ATG10: variants seen among roughly 807,000 people sequenced by gnomAD.
ATG10 encodes the protein ubiquitin-like-conjugating enzyme ATG10.
In ATG10, 30 loss-of-function variants were observed where a neutral mutation model predicts 32.1. That is an observed-to-expected ratio of 0.94 (90% CI 0.70 to 1.27). The LOEUF (loss-of-function observed/expected upper bound fraction) is 1.27, where lower values mean the gene tolerates loss of function less well. Ranked by LOEUF, ATG10 falls within the 50% of genes most tolerant of loss-of-function variation. The pLI is 0.00. For missense variants in ATG10, 233 were observed against 262.3 expected, an observed-to-expected ratio of 0.89 and a Z score of 0.77; for synonymous variants, 87 against 91.5, an observed-to-expected ratio of 0.95 and a Z score of 0.28.
chr5:82,045,895 T>G (rs1238367664), intron 2 of ATG10, among the ~76,000 whole-genome samples: 7 of 152,068 alleles, frequency 4.6e-5, no homozygotes, highest in African/African-American at 1.4e-4. Flanking sequence ...CAGAATGACC[T>G]CAGTAAAGTT....
intron 5 of ATG10, among the ~76,000 whole-genome samples, chr5:82,245,824 A>G (rs1747006220): frequency 6.6e-6 from 1 of 152,206 alleles, no homozygotes; most frequent in Admixed American, 6.5e-5. Context: ...GTAATTAATG[A>G]TTTGGCTAAT....
At chr5:82,175,906 C>T (rs2149918986) in intron 4 of ATG10, among the ~76,000 whole-genome samples, 1 of 152,162 alleles carries the variant, frequency 6.6e-6, no homozygotes, top group Admixed American at 6.5e-5. Context: ...CACACACACA[C>T]ACCCCAAGGC....
chr5:82,093,045 C>G (rs1360076056), intron 3 of ATG10, among the ~76,000 whole-genome samples: 1 of 152,176 alleles, frequency 6.6e-6, no homozygotes, highest in East Asian at 1.9e-4. Context: ...AATTTGGTGA[C>G]TATACTTGCA....
At chr5:82,059,749 G>T (rs545557965) in intron 3 of ATG10, among the ~76,000 whole-genome samples, 26 of 152,174 alleles carry the variant, frequency 1.7e-4, no homozygotes, top group Admixed American at 4.6e-4. Flanking sequence ...GCCTGTATAT[G>T]ATGCTGGCCT....
chr5:82,192,977 G>T (rs1003343324), intron 5 of ATG10, among the ~76,000 whole-genome samples: 9 of 152,128 alleles, frequency 5.9e-5, no homozygotes, highest in African/African-American at 2.2e-4. Context: ...TCTTTCTCAG[G>T]AGAGACCTTC....
chr5:82,061,022 C>T (rs994874102), intron 3 of ATG10, among the ~76,000 whole-genome samples: 6 of 152,190 alleles, frequency 3.9e-5, no homozygotes, highest in African/African-American at 1.4e-4. Context: ...ACTCTTTTCT[C>T]TCACTCCCTT....
In ATG10 at chr5:81,978,108, C is replaced by T. The variant is rs186282352; in HGVS notation, c.-13+5802C>T. On this transcript the variant is annotated intron_variant, in intron 1 of 7. Coordinates refer to ENST00000282185, the MANE Select transcript of ATG10 (RefSeq NM_031482.5). ...TTTTTGAGGCGGAGTCTTGCTCTGT[C>T]GCCCAAGCTGGAGTGCAATGGCATG... Among the ~76,000 whole-genome samples, 371 of 152,096 alleles carry T rather than the reference C, an allele frequency of 2.4e-3. 2 individuals carry two copies. Among genetic ancestry groups the T allele is most frequent in the Non-Finnish European group, 2.3e-3 (157 of 68,006 alleles).
At chr5:82,237,262 G>A (rs1430093497) in intron 5 of ATG10, among the ~76,000 whole-genome samples, 1 of 152,090 alleles carries the variant, frequency 6.6e-6, no homozygotes, top group Admixed American at 6.6e-5. Context: ...GGCTGTTTCT[G>A]GCTTATATTC....
intron 2 of ATG10, among the ~76,000 whole-genome samples, chr5:82,004,295 C>G (rs1355073125): frequency 6.6e-6 from 1 of 152,158 alleles, no homozygotes; most frequent in Non-Finnish European, 1.5e-5. Flanking sequence ...GCCTAGTGAT[C>G]AGTCTTTGCA....
At chr5:82,063,786 C>T (rs1475802342) in intron 3 of ATG10, among the ~76,000 whole-genome samples, 1 of 152,066 alleles carries the variant, frequency 6.6e-6, no homozygotes, top group Non-Finnish European at 1.5e-5. Context: ...AGCCACCATG[C>T]CCGGCTGAAC....
At chr5:82,090,939 C>T (rs1764862308) in intron 3 of ATG10, among the ~76,000 whole-genome samples, 1 of 152,098 alleles carries the variant, frequency 6.6e-6, no homozygotes, top group Admixed American at 6.6e-5. Flanking sequence ...AGGAAAATTT[C>T]CCTCCTTCAA....
chr5:82,212,136 C>T (rs954637604), intron 5 of ATG10, among the ~76,000 whole-genome samples: 7 of 152,204 alleles, frequency 4.6e-5, no homozygotes, highest in Admixed American at 2.6e-4. Context: ...GGCCTAAGCT[C>T]CTCTTTGCCT....
chr5:82,220,684 C>T (rs1398681766), intron 5 of ATG10, among the ~76,000 whole-genome samples: 7 of 150,726 alleles, frequency 4.6e-5, no homozygotes, highest in African/African-American at 9.8e-5. Context: ...GGCTGGAGTG[C>T]AGTAGCGTGA....
At chr5:82,022,330 CTTT>C (rs1353788210) in intron 2 of ATG10, among the ~76,000 whole-genome samples, 2 of 140,436 alleles carry the variant, frequency 1.4e-5, no homozygotes, top group African/African-American at 2.6e-5. Flanking sequence ...AAAATGAGTA[CTTT>C]TTTTTTTTTT....
At chr5:82,239,213 C>G (rs143998558) in intron 5 of ATG10, among the ~76,000 whole-genome samples, 1 of 152,112 alleles carries the variant, frequency 6.6e-6, no homozygotes, top group Non-Finnish European at 1.5e-5. Flanking sequence ...CCTACAGTGA[C>G]GTAGGGGCTA....
intron 2 of ATG10, among the ~76,000 whole-genome samples, chr5:82,039,985 A>G (rs916224076): frequency 1.3e-5 from 2 of 152,188 alleles, no homozygotes; most frequent in Non-Finnish European, 2.9e-5. Context: ...TGTTAAGGGT[A>G]TACTGGGATC....
chr5:82,053,608 G>C (rs1346539256), intron 2 of ATG10, among the ~76,000 whole-genome samples: 1 of 151,804 alleles, frequency 6.6e-6, no homozygotes, highest in Non-Finnish European at 1.5e-5. Flanking sequence ...TTGGTCTTAG[G>C]TGAAGGGCAT....
intron 1 of ATG10, among the ~76,000 whole-genome samples, chr5:81,975,936 A>G (rs1760860512): frequency 6.6e-6 from 1 of 151,832 alleles, no homozygotes; most frequent in Admixed American, 6.6e-5. Context: ...GAAAGATGTG[A>G]TTAGGGTGAG....
chr5:82,057,566 ATTATT>A (rs1763644218), intron 2 of ATG10, among the ~76,000 whole-genome samples: 1 of 152,120 alleles, frequency 6.6e-6, no homozygotes, highest in Non-Finnish European at 1.5e-5. Flanking sequence ...CTTAGTCCTT[ATTATT>A]TTAATTCTAT....
Sources: allele counts gnomAD v4.1 joint callset (sites outside exome capture counted in the v4.1 genomes callset), GRCh38; gene constraint gnomAD v4.1.1; transcripts MANE v1.5; gene names NCBI Gene and HGNC (gene_info 2026-07-23, HGNC 2026-07-21).